The following SBF2 variants were observed in gnomAD, a reference collection of about 807,000 sequenced individuals.
SBF2 encodes the protein SET binding factor 2, also known as myotubularin-related protein 13.
In SBF2, 112 loss-of-function variants were observed where a neutral mutation model predicts 225.2. That is an observed-to-expected ratio of 0.50 (90% confidence interval 0.43 to 0.58). The LOEUF (loss-of-function observed/expected upper bound fraction) is 0.58, where lower values mean the gene tolerates loss of function less well. Among genes scored for constraint, SBF2 ranks in the 20% least tolerant of loss-of-function variants. The pLI is 0.00. For synonymous variants in SBF2, 763 were observed against 773.3 expected (o/e 0.99, Z 0.22); for missense variants, 1,996 against 2,206.2 (o/e 0.90, Z 1.91).
At chr11:10,045,094 A>C (rs537388163) in intron 2 of SBF2, among the ~76,000 whole-genome samples, 1 of 152,094 alleles carries the variant, frequency 6.6e-6, no homozygotes, top group African/African-American at 2.4e-5. Flanking sequence ...CAGGAGGTCC[A>C]GTCATGAAGG....
chr11:10,047,354 C>G (rs1590832520), intron 2 of SBF2, among the ~76,000 whole-genome samples: 1 of 152,070 alleles, frequency 6.6e-6, no homozygotes, highest in African/African-American at 2.4e-5. Context: ...CTGACACTAC[C>G]AAACTTTGAG....
chr11:9,912,280 C>CCAGCCTG, intron 16 of SBF2, among the ~76,000 whole-genome samples: 1 of 144,664 alleles, frequency 6.9e-6, no homozygotes, highest in South Asian at 2.2e-4. Flanking sequence ...CCACTGCACT[C>CCAGCCTG]TATAAATTTT....
At chr11:9,875,256 C>A (rs1157102538) in intron 17 of SBF2, among the ~76,000 whole-genome samples, 2 of 152,082 alleles carry the variant, frequency 1.3e-5, no homozygotes, top group Non-Finnish European at 2.9e-5. Flanking sequence ...CAAGACAGAT[C>A]CAGTGCTAAG....
chr11:9,923,271 G>A (rs1263851464), intron 16 of SBF2, among the ~76,000 whole-genome samples: 1 of 151,346 alleles, frequency 6.6e-6, no homozygotes, highest in East Asian at 1.9e-4. Flanking sequence ...TGCAAGTGAC[G>A]AGCAACTAAA....
intron 16 of SBF2, among the ~76,000 whole-genome samples, chr11:9,904,760 C>T (rs1397760650): frequency 6.6e-6 from 1 of 152,188 alleles, no homozygotes; most frequent in South Asian, 2.1e-4. Flanking sequence ...TATGGTGGCT[C>T]ACACCTATAA....
chr11:9,795,822 G>T lies in SBF2; in HGVS notation c.4570+9C>A. ...AAAAAAGATGAAACAAGGGCATACAGACACATACCGTGCTCTAATCTTTCA... is the reference window on the plus strand; with the variant it reads ...AAAAAAGATGAAACAAGGGCATACATACACATACCGTGCTCTAATCTTTCA... On this transcript the variant is annotated intron_variant, in intron 33 of 39. Coordinates refer to ENST00000256190, the MANE Select transcript of SBF2 (RefSeq NM_030962.4). 6.2e-7 allele frequency: 1 copy of T among 1,613,128 alleles called. No individual in the cohort carries two copies. The highest frequency in any genetic ancestry group is 1.1e-5 in the South Asian group (1 of 91,024).
At chr11:9,903,616 G>T (rs1387574392) in intron 16 of SBF2, among the ~76,000 whole-genome samples, 1 of 152,182 alleles carries the variant, frequency 6.6e-6, no homozygotes, top group East Asian at 1.9e-4. Context: ...GGAAAGAAAT[G>T]AAATAATGCT....
intron 28 of SBF2, among the ~76,000 whole-genome samples, chr11:9,829,110 TA>T (rs1855228411): frequency 6.6e-6 from 1 of 151,882 alleles, no homozygotes; most frequent in African/African-American, 2.4e-5. Flanking sequence ...CCCCATCTCT[TA>T]AAAAAAAGAA....
chr11:10,028,332 A>G, intron 6 of SBF2, 120 bp downstream of exon 6: 1 of 710,776 alleles, frequency 1.4e-6, no homozygotes, highest in Admixed American at 2.1e-5. Flanking sequence ...TCCTATATAT[A>G]AAATATTTAA....
intron 16 of SBF2, among the ~76,000 whole-genome samples, chr11:9,937,049 C>G (rs1349782411): frequency 1.3e-5 from 2 of 151,968 alleles, no homozygotes; most frequent in Non-Finnish European, 2.9e-5. Context: ...GGAACATACT[C>G]AAAGTATAGG....
chr11:10,088,937 C>G (rs1466461856), intron 2 of SBF2, among the ~76,000 whole-genome samples: 1 of 152,094 alleles, frequency 6.6e-6, no homozygotes, highest in Non-Finnish European at 1.5e-5. Context: ...AGTGGTTGTT[C>G]AATAAATTAA....
At chr11:10,214,389 C>T (rs1273266785) in intron 1 of SBF2, among the ~76,000 whole-genome samples, 3 of 152,114 alleles carry the variant, frequency 2.0e-5, no homozygotes, top group Admixed American at 6.5e-5. Context: ...TTTTGGAGTC[C>T]GAGGCGGGCG....
At chr11:10,289,709 C>T (rs568841099) in intron 1 of SBF2, among the ~76,000 whole-genome samples, 71 of 152,248 alleles carry the variant, frequency 4.7e-4, no homozygotes, top group Non-Finnish European at 9.1e-4. Flanking sequence ...CCGGTGCCCT[C>T]GGCAGGGTGG....
chr11:9,788,513 A>AAAAC (rs1337234835), intron 35 of SBF2, among the ~76,000 whole-genome samples: 1 of 152,168 alleles, frequency 6.6e-6, no homozygotes, highest in Non-Finnish European at 1.5e-5. Context: ...TCGGGCAACT[A>AAAAC]AAACAGCTGG....
At chr11:9,871,100 A>G (rs1396873181) in intron 17 of SBF2, among the ~76,000 whole-genome samples, 1 of 152,154 alleles carries the variant, frequency 6.6e-6, no homozygotes, top group Non-Finnish European at 1.5e-5. Flanking sequence ...AAGATTTCAT[A>G]ATGAAAGCAC....
intron 2 of SBF2, among the ~76,000 whole-genome samples, chr11:10,138,724 T>C (rs1353865020): frequency 3.3e-5 from 5 of 152,172 alleles, no homozygotes; most frequent in Non-Finnish European, 7.4e-5. Flanking sequence ...ACTTTTCAAG[T>C]GTCCAGAGAT....
intron 16 of SBF2, among the ~76,000 whole-genome samples, chr11:9,951,504 T>TA (rs1865859977): frequency 6.6e-6 from 1 of 152,136 alleles, no homozygotes; most frequent in Non-Finnish European, 1.5e-5. Context: ...TAAGACTGCC[T>TA]AGGGAGAATT....
intron 16 of SBF2, among the ~76,000 whole-genome samples, chr11:9,945,396 G>T (rs540879713): frequency 8.0e-4 from 122 of 152,248 alleles, no homozygotes; most frequent in Non-Finnish European, 1.4e-3. Flanking sequence ...CTAGCCATTT[G>T]CAGAATATTG....
chr11:10,103,320 C>T (rs544026880), intron 2 of SBF2, among the ~76,000 whole-genome samples: 14 of 152,174 alleles, frequency 9.2e-5, no homozygotes, highest in South Asian at 6.2e-4. Context: ...AGACCAAAAA[C>T]GACACACTTG....
Sources: allele counts gnomAD v4.1 joint callset (sites outside exome capture counted in the v4.1 genomes callset), GRCh38; gene constraint gnomAD v4.1.1; transcripts MANE v1.5; gene names NCBI Gene and HGNC (gene_info 2026-07-23, HGNC 2026-07-21).